The following KIF16B variants were observed in gnomAD, a reference collection of about 807,000 sequenced individuals.
KIF16B encodes the protein kinesin-like protein KIF16B.
A neutral mutation model predicts 156.3 loss-of-function variants in KIF16B; 98 were observed. The ratio of observed to expected loss-of-function variants is 0.63; its 90% CI spans 0.53 to 0.74. The LOEUF (loss-of-function observed/expected upper bound fraction) is 0.74. Among genes scored for constraint, KIF16B ranks in the 30% least tolerant of loss-of-function variants. KIF16B has a pLI of 0.00. For synonymous variants in KIF16B, 564 were observed against 583.7 expected, an observed-to-expected ratio of 0.97 and a Z score of 0.49; for missense variants, 1,421 against 1,606.5, an observed-to-expected ratio of 0.88 and a Z score of 1.97.
intron 15 of KIF16B, among the ~76,000 whole-genome samples, chr20:16,410,354 T>G (rs115338267): frequency 0.014 from 2,122 of 149,214 alleles, 41 homozygotes; most frequent in African/African-American, 0.038. Context: ...TATATATATA[T>G]AGAGAGAGAG....
chr20:16,476,957 T>C (rs767907493), intron 12 of KIF16B, among the ~76,000 whole-genome samples: 22 of 151,890 alleles, frequency 1.4e-4, no homozygotes, highest in Non-Finnish European at 3.1e-4. Context: ...CCATGTTGGC[T>C]AGGATGGTCT....
chr20:16,375,080 C>T (rs1233088951), intron 19 of KIF16B, among the ~76,000 whole-genome samples: 1 of 152,158 alleles, frequency 6.6e-6, no homozygotes, highest in East Asian at 1.9e-4. Context: ...ATAAAATTAA[C>T]CTCCAGTGAT....
At chr20:16,370,786 C>A in intron 21 of KIF16B, 150 bp from the exon 22 acceptor site, 1 of 608,828 alleles carries the variant, frequency 1.6e-6, no homozygotes, top group Non-Finnish European at 2.7e-6. Flanking sequence ...AATTTACATC[C>A]CCAAGATAAA....
At chr20:16,342,932 C>A (rs565932550) in intron 23 of KIF16B, among the ~76,000 whole-genome samples, 1 of 152,228 alleles carries the variant, frequency 6.6e-6, no homozygotes, top group African/African-American at 2.4e-5. Flanking sequence ...TCATGGGAAG[C>A]TTGAGAAAAA....
chr20:16,509,353 G>A (rs1415453858), intron 6 of KIF16B, among the ~76,000 whole-genome samples: 2 of 152,258 alleles, frequency 1.3e-5, no homozygotes, highest in South Asian at 2.1e-4. Context: ...AATTCTTAGA[G>A]GTGGAATTTC....
intron 12 of KIF16B, among the ~76,000 whole-genome samples, chr20:16,457,123 T>TA (rs11087170): frequency 0.54 from 81,575 of 151,984 alleles, 22,976 homozygotes; most frequent in African/African-American, 0.72. Context: ...TTTATTTTGA[T>TA]AAACAAACAA....
At chr20:16,306,277 A>C (rs1169132042) in intron 25 of KIF16B, among the ~76,000 whole-genome samples, 1 of 152,144 alleles carries the variant, frequency 6.6e-6, no homozygotes, top group Non-Finnish European at 1.5e-5. Flanking sequence ...TTTCTTTGAC[A>C]GGCAGAAGTC....
intron 17 of KIF16B, among the ~76,000 whole-genome samples, chr20:16,392,025 T>C (rs1025609896): frequency 6.6e-5 from 10 of 152,216 alleles, no homozygotes; most frequent in Admixed American, 2.0e-4. Flanking sequence ...TCCATCTCTT[T>C]GCCGTAAGAA....
At chr20:16,452,385 T>C (rs1437008005) in intron 12 of KIF16B, among the ~76,000 whole-genome samples, 1 of 148,826 alleles carries the variant, frequency 6.7e-6, no homozygotes, top group Non-Finnish European at 1.5e-5. Context: ...TAAGTAAAAC[T>C]GCCATAACCC....
At chr20:16,382,160 A>G (rs1253480385) in intron 17 of KIF16B, 1 of 1,284,910 alleles carries the variant, frequency 7.8e-7, no homozygotes, top group Admixed American at 2.1e-5. Context: ...AGAGAGAGAA[A>G]GAGAGAGAGA....
chr20:16,468,682 T>C (rs1405748853), intron 12 of KIF16B, among the ~76,000 whole-genome samples: 6 of 147,998 alleles, frequency 4.1e-5, no homozygotes, highest in East Asian at 4.0e-4. Flanking sequence ...AGAGTAAATA[T>C]ACGTGAGGTA....
intron 3 of KIF16B, among the ~76,000 whole-genome samples, chr20:16,515,908 T>C (rs1394440888): frequency 2.6e-5 from 4 of 152,134 alleles, no homozygotes; most frequent in Non-Finnish European, 5.9e-5. Context: ...CCAAAAAATA[T>C]CATGAAGTAT....
In KIF16B at chr20:16,538,178, C is replaced by T. The variant is rs185433794; in HGVS notation, c.48-9738G>A. 1.1e-3 allele frequency among the ~76,000 whole-genome samples: 167 copies of T among 152,294 alleles called. 1 individual carries two copies. Among genetic ancestry groups the T allele is most frequent in the Admixed American group, 0.01 (158 of 15,294 alleles). ...TCCAGAGAACCTCAGAGAAGCCCAGCTTCCTTCACATCCACACTGAGTCCA... is the reference window on the plus strand; with the variant it reads ...TCCAGAGAACCTCAGAGAAGCCCAGTTTCCTTCACATCCACACTGAGTCCA... On this transcript the variant is annotated intron_variant, in intron 1 of 25. Transcript: ENST00000354981.
At chr20:16,429,124 C>T (rs2066433657) in intron 13 of KIF16B, 120 bp from the exon 14 acceptor site, 3 of 838,890 alleles carry the variant, frequency 3.6e-6, no homozygotes, top group Non-Finnish European at 6.1e-6. Context: ...TCCTGGCAGG[C>T]CACAGCTTCA....
chr20:16,449,683 T>C (rs1385545868), intron 12 of KIF16B, among the ~76,000 whole-genome samples: 1 of 152,208 alleles, frequency 6.6e-6, no homozygotes, highest in Non-Finnish European at 1.5e-5. Context: ...TAAAACTGAA[T>C]GCAATGTCAA....
intron 7 of KIF16B, among the ~76,000 whole-genome samples, 190 bp downstream of exon 7, chr20:16,507,768 A>C (rs571416281): frequency 6.6e-6 from 1 of 152,316 alleles, no homozygotes; most frequent in South Asian, 2.1e-4. Flanking sequence ...GATATTTCAA[A>C]TTACTGTGAT....
intron 15 of KIF16B, among the ~76,000 whole-genome samples, chr20:16,424,766 CA>C (rs987544934): frequency 6.6e-5 from 10 of 151,996 alleles, no homozygotes; most frequent in African/African-American, 2.4e-4. Flanking sequence ...GTGGTCTGAG[CA>C]AGAAGAGGAG....
intron 23 of KIF16B, among the ~76,000 whole-genome samples, chr20:16,355,998 C>T (rs1376853006): frequency 6.6e-6 from 1 of 152,190 alleles, no homozygotes; most frequent in East Asian, 1.9e-4. Context: ...TCCTGGTTTG[C>T]TCAGGACTGT....
chr20:16,546,180 T>C lies in KIF16B; in HGVS notation c.48-17740A>G, dbSNP rs149794135. 4.4e-3 allele frequency among the ~76,000 whole-genome samples: 663 copies of C among 152,290 alleles called. 6 individuals are homozygous for C. The highest frequency in any genetic ancestry group is 0.015 in the African/African-American group (633 of 41,564). On this transcript the variant is annotated intron_variant, in intron 1 of 25. Transcript: ENST00000354981. ...GGGCACTAGGTTTGGGGGACCTGGA[T>C]TGAAATCCTGAGTCTTAGTAGCTTT...
Sources: gnomAD v4.1 joint callset for allele counts (sites outside exome capture counted in the v4.1 genomes callset) on GRCh38, gnomAD v4.1.1 for gene constraint, MANE v1.5 for transcripts, NCBI Gene and HGNC (gene_info 2026-07-23, HGNC 2026-07-21) for gene names.